DPYD: variants seen among roughly 807,000 people sequenced by gnomAD.
DPYD encodes the protein dihydropyrimidine dehydrogenase [NADP(+)].
DPYD carries 109 observed loss-of-function variants against 116.2 expected under a neutral mutation model. That is an observed-to-expected ratio of 0.94 (90% CI 0.80 to 1.10). DPYD has a LOEUF of 1.10. DPYD is among the 50% of genes least tolerant of loss of function. The probability of loss-of-function intolerance (pLI) is 0.00; values close to 1 mark genes in which losing one functional copy is unlikely to be tolerated. For missense variants in DPYD, 1,302 were observed against 1,254.5 expected (o/e 1.04, Z -0.57); for synonymous variants, 440 against 432.0 (o/e 1.02, Z -0.23).
intron 7 of DPYD, among the ~76,000 whole-genome samples, chr1:97,690,474 G>T (rs1660957675): frequency 6.6e-6 from 1 of 151,652 alleles, no homozygotes; most frequent in Non-Finnish European, 1.5e-5. Context: ...TATTTATGGG[G>T]TGATACATGC....
intron 13 of DPYD, among the ~76,000 whole-genome samples, chr1:97,498,419 A>G (rs1679391582): frequency 6.6e-6 from 1 of 151,690 alleles, no homozygotes; most frequent in African/African-American, 2.4e-5. Context: ...AAAGCTTTCC[A>G]AGTGGTTAAA....
At chr1:97,661,253 A>T (rs1429589301) in intron 8 of DPYD, among the ~76,000 whole-genome samples, 1 of 152,188 alleles carries the variant, frequency 6.6e-6, no homozygotes, top group Non-Finnish European at 1.5e-5. Flanking sequence ...AAGAGGGTAA[A>T]CATAAATCCC....
chr1:97,155,739 T>C (rs1055845688), intron 20 of DPYD, among the ~76,000 whole-genome samples: 8 of 152,180 alleles, frequency 5.3e-5, no homozygotes, highest in African/African-American at 1.4e-4. Context: ...GTTATCTTTT[T>C]TCTGAGAATT....
intron 13 of DPYD, among the ~76,000 whole-genome samples, chr1:97,505,415 C>G (rs1321180591): frequency 6.7e-6 from 1 of 150,086 alleles, no homozygotes; most frequent in Non-Finnish European, 1.5e-5. Context: ...ATCCCTTCTC[C>G]CTAGAATAAA....
At chr1:97,766,734 T>C (rs1260974670) in intron 3 of DPYD, among the ~76,000 whole-genome samples, 1 of 152,158 alleles carries the variant, frequency 6.6e-6, no homozygotes, top group Non-Finnish European at 1.5e-5. Context: ...AATTGTAGTA[T>C]GGATTTTGCA....
intron 18 of DPYD, among the ~76,000 whole-genome samples, chr1:97,247,507 A>T (rs953397524): frequency 3.3e-5 from 5 of 152,280 alleles, no homozygotes; most frequent in East Asian, 1.9e-4. Context: ...CAAGCTGAGG[A>T]TGTGCCTCAA....
intron 19 of DPYD, among the ~76,000 whole-genome samples, chr1:97,227,396 C>T (rs950868616): frequency 6.8e-6 from 1 of 146,696 alleles, no homozygotes; most frequent in Non-Finnish European, 1.5e-5. Flanking sequence ...GCAATAATTG[C>T]CCAATAAAAT....
chr1:97,392,825 T>C (rs950362547), intron 14 of DPYD, among the ~76,000 whole-genome samples: 1 of 152,022 alleles, frequency 6.6e-6, no homozygotes, highest in African/African-American at 2.4e-5. Context: ...CTCTTGCTAT[T>C]TCTCTAATCT....
intron 15 of DPYD, among the ~76,000 whole-genome samples, chr1:97,374,611 C>A (rs35398836): frequency 0.17 from 25,604 of 148,260 alleles, 2,775 homozygotes; most frequent in Non-Finnish European, 0.24. Flanking sequence ...CCCAGCTACT[C>A]AGGAGGCTGA....
chr1:97,725,145 A>C (rs1486367155), intron 4 of DPYD, among the ~76,000 whole-genome samples: 3 of 151,804 alleles, frequency 2.0e-5, no homozygotes, highest in African/African-American at 7.2e-5. Flanking sequence ...ATTGTATTTC[A>C]ATATGTTAGT....
At chr1:97,286,225 T>C (rs1570429103) in intron 18 of DPYD, among the ~76,000 whole-genome samples, 2 of 152,248 alleles carry the variant, frequency 1.3e-5, no homozygotes, top group South Asian at 4.1e-4. Flanking sequence ...AATTCTTTTC[T>C]TTAAGAATGT....
At chr1:97,512,072 G>C (rs1647841448) in intron 13 of DPYD, among the ~76,000 whole-genome samples, 2 of 151,724 alleles carry the variant, frequency 1.3e-5, no homozygotes, top group South Asian at 4.2e-4. Flanking sequence ...TTCATATACT[G>C]GGAAAAAAAT....
At chr1:97,685,234 G>C (rs571255266) in intron 7 of DPYD, among the ~76,000 whole-genome samples, 1 of 151,926 alleles carries the variant, frequency 6.6e-6, no homozygotes, top group East Asian at 1.9e-4. Context: ...GAGAAATAAA[G>C]AAAAAAACAC....
chr1:97,489,603 C>T (rs1678855000), intron 13 of DPYD, among the ~76,000 whole-genome samples: 1 of 152,144 alleles, frequency 6.6e-6, no homozygotes, highest in Non-Finnish European at 1.5e-5. Context: ...TTACTCCTGT[C>T]CTATTAAAAT....
At chr1:97,278,931 T>C (rs1012127525) in intron 18 of DPYD, among the ~76,000 whole-genome samples, 3 of 152,082 alleles carry the variant, frequency 2.0e-5, no homozygotes, top group East Asian at 1.9e-4. Context: ...ATTTTTTTTT[T>C]CCCACAGCTC....
intron 12 of DPYD, among the ~76,000 whole-genome samples, chr1:97,522,671 A>G (rs1380565465): frequency 2.0e-5 from 3 of 151,868 alleles, no homozygotes; most frequent in Non-Finnish European, 4.4e-5. Context: ...TTGTGCCAAG[A>G]TCACGCCACT....
chr1:97,546,892 G>C, intron 12 of DPYD: 1 of 1,609,258 alleles, frequency 6.2e-7, no homozygotes, highest in Non-Finnish European at 8.5e-7. Flanking sequence ...GGGGGATGAA[G>C]ACCAGGAGGA....
chr1:97,559,382 T>C (rs1299129680), intron 11 of DPYD, among the ~76,000 whole-genome samples: 1 of 152,060 alleles, frequency 6.6e-6, no homozygotes. Flanking sequence ...ATTAACAAAA[T>C]AAATCAAATG....
At chr1:97,314,381 T>C (rs892269111) in intron 16 of DPYD, among the ~76,000 whole-genome samples, 1 of 151,828 alleles carries the variant, frequency 6.6e-6, no homozygotes, top group African/African-American at 2.4e-5. Context: ...CTGGTGAACA[T>C]AACTTAATGA....
Sources: allele counts gnomAD v4.1 joint callset (sites outside exome capture counted in the v4.1 genomes callset), GRCh38; gene constraint gnomAD v4.1.1; transcripts MANE v1.5; gene names NCBI Gene and HGNC (gene_info 2026-07-23, HGNC 2026-07-21).